HIPK1: variants seen among roughly 807,000 people sequenced by gnomAD.
The protein encoded by HIPK1 is homeodomain-interacting protein kinase 1.
HIPK1 carries 28 observed loss-of-function variants against 117.1 expected under a neutral mutation model. That is an observed-to-expected ratio of 0.24 (90% CI 0.18 to 0.33). The LOEUF (loss-of-function observed/expected upper bound fraction) is 0.33, where lower values mean the gene tolerates loss of function less well. HIPK1 is among the 10% of genes least tolerant of loss of function. HIPK1 has a pLI of 1.00. For synonymous variants in HIPK1, 605 were observed against 562.5 expected (o/e 1.08, Z -1.07); for missense variants, 1,122 against 1,475.1 (o/e 0.76, Z 3.92).
intron 11 of HIPK1, 121 bp from the exon 12 acceptor site, chr1:113,967,645 G>A: frequency 1.8e-6 from 1 of 557,330 alleles, no homozygotes; most frequent in African/African-American, 2.0e-5. Flanking sequence ...CAGATGGTAG[G>A]TGCTCAACTT....
chr1:113,956,167 C>T (rs954140525), intron 5 of HIPK1, among the ~76,000 whole-genome samples: 4 of 150,824 alleles, frequency 2.7e-5, no homozygotes, highest in East Asian at 1.9e-4. Flanking sequence ...CTCTGCCTCC[C>T]GGGTTCAAGC....
In HIPK1 at chr1:113,973,009, C is replaced by A; in HGVS notation, c.3145-15C>A. On this transcript the variant is annotated splice_polypyrimidine_tract_variant and intron_variant, in intron 15 of 15. Transcript: ENST00000426820. ...GTGACCTCAGGATTCCTCACTTCTT[C>A]CTTCTTTCTTCCAGAACCAGCAGTC... 6.6e-7 allele frequency: 1 copy of A among 1,513,136 alleles called. No individual in the cohort carries two copies. The highest frequency in any genetic ancestry group is 8.8e-7 in the Non-Finnish European group (1 of 1,130,974). The allele number at this position is 1,513,136 out of a possible 1,614,324, so 93.7% of individuals were successfully genotyped here.
chr1:113,941,009 A>G lies in HIPK1; in HGVS notation c.626A>G (p.Lys209Arg). The change falls in exon 2 of 16, where the codon AAG becomes AGG. Residue 209 changes from lysine (K) to arginine (R), a missense_variant. Lys to Arg is a conservative substitution (Grantham distance 26). This residue lies in a region of HIPK1 where 62 missense variants were observed against 121.5 expected (regional missense o/e 0.51). Transcript: ENST00000426820. The surrounding 1 kb of genome is among the most constrained non-coding windows in gnomAD (Gnocchi z 4.9). ...TTTGGACAGGTGGCTAAGTGCTGGAAGAGGAGCACCAAGGAAATTGTGGCT... is the reference window on the plus strand; with the variant it reads ...TTTGGACAGGTGGCTAAGTGCTGGAGGAGGAGCACCAAGGAAATTGTGGCT... ...GTFGQVAKCW[K>R]RSTKEIVAIK... The G allele has an allele frequency of 6.2e-7, 1 of 1,614,214 alleles. No homozygotes were observed. The highest frequency in any genetic ancestry group is 8.5e-7 in the Non-Finnish European group (1 of 1,180,036).
intron 1 of HIPK1, among the ~76,000 whole-genome samples, chr1:113,932,409 G>T (rs988003333): frequency 7.3e-6 from 1 of 136,728 alleles, no homozygotes; most frequent in Non-Finnish European, 1.5e-5. Flanking sequence ...ACAAGATCTC[G>T]CCCTGTCGCC....
At chr1:113,935,707 A>G (rs1670207435) in intron 1 of HIPK1, among the ~76,000 whole-genome samples, 1 of 152,210 alleles carries the variant, frequency 6.6e-6, no homozygotes, top group Non-Finnish European at 1.5e-5. Flanking sequence ...CTTCTTAATA[A>G]TATTCATTCT....
intron 14 of HIPK1, among the ~76,000 whole-genome samples, chr1:113,970,606 A>G (rs923652255): frequency 1.3e-5 from 2 of 152,144 alleles, no homozygotes; most frequent in African/African-American, 4.8e-5. Flanking sequence ...TATTCTTTAG[A>G]TTTTTTTCTC....
intron 9 of HIPK1, 27 bp from the exon 10 acceptor site, chr1:113,963,360 C>G (rs1452656026): frequency 6.2e-7 from 1 of 1,610,098 alleles, no homozygotes; most frequent in Non-Finnish European, 8.5e-7. Context: ...GTGTTTGTTT[C>G]ACTCACCTGC....
rs368348249 is a variant in HIPK1, at chr1:113,976,945, G to T, written c.*3433G>T. On this transcript the variant is annotated 3_prime_UTR_variant, in exon 16 of 16. Transcript: ENST00000426820. ...CTTGGTCACTCCAGAGTTTTTAATA[G>T]CTCCCAGGAGGTGATATTATTTTCA... is the stretch of plus-strand genomic sequence containing the variant. 6.5e-6 allele frequency: 1 copy of T among 152,834 alleles called. No homozygotes were observed. The highest frequency in any genetic ancestry group is 6.5e-5 in the Admixed American group (1 of 15,286). The allele number at this position is 152,834 out of a possible 1,614,324, so 9.5% of individuals were successfully genotyped here.
chr1:113,961,192 G>T (rs1240377485), intron 8 of HIPK1, among the ~76,000 whole-genome samples: 3 of 152,150 alleles, frequency 2.0e-5, no homozygotes, highest in Non-Finnish European at 2.9e-5. Context: ...TTGTAGGAAA[G>T]ATTTATTCAA....
intron 2 of HIPK1, among the ~76,000 whole-genome samples, chr1:113,947,138 A>G (rs780855387): frequency 6.6e-6 from 1 of 152,118 alleles, no homozygotes; most frequent in African/African-American, 2.4e-5. Flanking sequence ...AGCTCACATA[A>G]ATTTGCCAAC....
In HIPK1 at chr1:113,975,972, A is replaced by C. The variant is rs1400393965; in HGVS notation, c.*2460A>C. ...ATCTGAATTGAAAATGATATATTTG[A>C]GATATAATTTTAGGACTGGTTCTGT... On this transcript the variant is annotated 3_prime_UTR_variant, in exon 16 of 16. Transcript: ENST00000426820. 1.3e-5 allele frequency: 2 copies of C among 152,654 alleles called. No individual in the cohort carries two copies. The highest frequency in any genetic ancestry group is 4.8e-5 in the African/African-American group (2 of 41,408). The allele number at this position is 152,654 out of a possible 1,614,324, so 9.5% of individuals were successfully genotyped here. A position where few individuals can be genotyped will look rare whatever the true frequency, so the allele number is the denominator to read the frequency against.
intron 2 of HIPK1, among the ~76,000 whole-genome samples, chr1:113,945,390 A>G (rs138070620): frequency 1.3e-5 from 2 of 152,328 alleles, no homozygotes; most frequent in Non-Finnish European, 2.9e-5. Flanking sequence ...TTTTGGTGAC[A>G]TATCCAAGAA....
At chr1:113,956,888 T>G (rs968310761) in intron 6 of HIPK1, 77 bp downstream of exon 6, 8 of 1,274,582 alleles carry the variant, frequency 6.3e-6, no homozygotes, top group Admixed American at 4.2e-5. Flanking sequence ...CACTATCAAA[T>G]GAGCCCGCCA....
chr1:113,946,074 A>G (rs1254944697), intron 2 of HIPK1, among the ~76,000 whole-genome samples: 1 of 152,178 alleles, frequency 6.6e-6, no homozygotes, highest in Non-Finnish European at 1.5e-5. Flanking sequence ...ATGCTGCCCT[A>G]GGCAACCTTG....
At chr1:113,962,905 C>T (rs1672217787) in intron 9 of HIPK1, among the ~76,000 whole-genome samples, 1 of 152,192 alleles carries the variant, frequency 6.6e-6, no homozygotes, top group Non-Finnish European at 1.5e-5. Context: ...TATTACATTC[C>T]TTCATTCCGT....
In HIPK1 at chr1:113,962,714, G is replaced by A. The variant is rs74364680; in HGVS notation, c.2103+276G>A. 5.5e-3 allele frequency among the ~76,000 whole-genome samples: 835 copies of A among 150,844 alleles called. 8 individuals are homozygous for A. Among genetic ancestry groups the A allele is most frequent in the African/African-American group, 0.019 (763 of 41,108 alleles). On this transcript the variant is annotated intron_variant, in intron 9 of 15. Coordinates refer to ENST00000426820, the MANE Select transcript of HIPK1 (RefSeq NM_198268.3). ...TTACTCTAATTTTGCGGGGTGAAGCGTTTTTTTTTGTTGTTGTTTGTTTTT... is the reference window on the plus strand; with the variant it reads ...TTACTCTAATTTTGCGGGGTGAAGCATTTTTTTTTGTTGTTGTTTGTTTTT...
intron 1 of HIPK1, among the ~76,000 whole-genome samples, chr1:113,931,982 G>C (rs1198276733): frequency 6.6e-6 from 1 of 151,980 alleles, no homozygotes; most frequent in Non-Finnish European, 1.5e-5. Flanking sequence ...GTGCCATTCT[G>C]AACACAAGTC....
chr1:113,964,292 C>G (rs1672314735), intron 10 of HIPK1, among the ~76,000 whole-genome samples: 1 of 152,120 alleles, frequency 6.6e-6, no homozygotes, highest in Admixed American at 6.5e-5. Flanking sequence ...ACAAACTATG[C>G]AAATACAATA....
intron 3 of HIPK1, among the ~76,000 whole-genome samples, chr1:113,954,135 A>AT (rs1422764378): frequency 6.6e-6 from 1 of 151,746 alleles, no homozygotes; most frequent in African/African-American, 2.4e-5. Flanking sequence ...TAATTCTTTT[A>AT]TTTTTTGTAG....
Sources: gnomAD v4.1 joint callset for allele counts (sites outside exome capture counted in the v4.1 genomes callset) on GRCh38, gnomAD v4.1.1 for gene constraint, gnomAD v4.1.1 regional missense constraint, Gnocchi (gnomAD v3.1) non-coding constraint, MANE v1.5 for transcripts, NCBI Gene and HGNC (gene_info 2026-07-23, HGNC 2026-07-21) for gene names.